Variants in PACSIN3 observed in about 807,000 individuals in gnomAD.
The protein encoded by PACSIN3 is protein kinase C and casein kinase substrate in neurons protein 3.
Under a neutral mutation model 56.1 loss-of-function variants are expected in PACSIN3, and 34 were observed. The ratio of observed to expected loss-of-function variants is 0.61; its 90% CI spans 0.46 to 0.81. The LOEUF (loss-of-function observed/expected upper bound fraction) is 0.81. Among genes scored for constraint, PACSIN3 ranks in the 30% least tolerant of loss-of-function variants. The probability of loss-of-function intolerance (pLI) is 0.00; values close to 1 mark genes in which losing one functional copy is unlikely to be tolerated. For missense variants in PACSIN3, 535 were observed against 592.4 expected (o/e 0.90, Z 1.01); for synonymous variants, 218 against 229.8 (o/e 0.95, Z 0.46).
Position 47,178,510 on chromosome 11 carries a change from G to A in PACSIN3, c.1038-23C>T, listed in dbSNP as rs1435342592. The A allele has an allele frequency of 1.2e-6, 2 of 1,611,800 alleles. No homozygotes were observed. The highest frequency in any genetic ancestry group is 2.2e-5 in the East Asian group (1 of 44,848). ...GTGCTGGAGAGGGGAGGCAAAGGGAGCAGCTCAGAGTGCAAGGAACACGGG... is the reference window on the plus strand; with the variant it reads ...GTGCTGGAGAGGGGAGGCAAAGGGAACAGCTCAGAGTGCAAGGAACACGGG... On this transcript the variant is annotated intron_variant, in intron 9 of 10. Transcript: ENST00000298838. This position sits in a 1 kb window ranked among gnomAD's most constrained non-coding sequence, Gnocchi z 4.2.
At position 47,182,981 on chromosome 11, in the gene PACSIN3, T is replaced by TC. The variant is rs368408231; in HGVS notation, c.-38+22dup. On this transcript the variant is annotated intron_variant, in intron 2 of 10. Coordinates refer to ENST00000298838, the MANE Select transcript of PACSIN3 (RefSeq NM_016223.5). ...GCTCTTCCTCTCACTGCTCTGCACT[T>TC]CCCCCCCCGCCCCCCCACATACCTG... 4.0e-3 allele frequency: 1,640 copies of TC among 408,854 alleles called. 19 individuals are homozygous for TC. The highest frequency in any genetic ancestry group is 0.027 in the African/African-American group (1,272 of 47,172). 25.3% of individuals were successfully genotyped at this position (408,854 alleles called of 1,614,324 possible). A position where few individuals can be genotyped will look rare whatever the true frequency, so the allele number is the denominator to read the frequency against.
Position 47,179,332 on chromosome 11 carries a change from C to G in PACSIN3, c.780-53G>C. On this transcript the variant is annotated intron_variant, in intron 7 of 10. Transcript: ENST00000298838. This position sits in a 1 kb window ranked among gnomAD's most constrained non-coding sequence, Gnocchi z 4.4. ...TAGGAAGTCTAGACCCTGCATCCCT[C>G]AGTCCCAGCCAGGGCCTCGGGGAGA... The G allele has an allele frequency of 6.2e-7, 1 of 1,613,508 alleles. No homozygotes were observed. The highest frequency in any genetic ancestry group is 1.6e-4 in the Middle Eastern group (1 of 6,062).
Position 47,178,589 on chromosome 11 carries a change from C to T in PACSIN3, c.1038-102G>A. The stretch of plus-strand genomic sequence containing the variant: ...AAGGCCTCCCTACCCCCAGAGGCAC[C>T]TGGGAGAGTCAGGTGAGGTACTAAA... On this transcript the variant is annotated intron_variant, in intron 9 of 10. Coordinates refer to ENST00000298838, the MANE Select transcript of PACSIN3 (RefSeq NM_016223.5). The surrounding 1 kb of genome is among the most constrained non-coding windows in gnomAD (Gnocchi z 4.2). 6.9e-7 allele frequency: 1 copy of T among 1,441,738 alleles called. No homozygotes were observed. 89.3% of individuals were successfully genotyped at this position (1,441,738 alleles called of 1,614,324 possible). A position where few individuals can be genotyped will look rare whatever the true frequency, so the allele number is the denominator to read the frequency against.
chr11:47,183,430 G>C (rs901747), intron 1 of PACSIN3: 110,815 of 152,284 alleles, frequency 0.73, 40,795 homozygotes, highest in Middle Eastern at 0.77. Flanking sequence ...TGGCTTCTGT[G>C]TTGGCCAGGA....
intron 5 of PACSIN3, 22 bp downstream of exon 5, chr11:47,180,433 T>C (rs760949122): frequency 1.3e-6 from 2 of 1,591,928 alleles, no homozygotes; most frequent in South Asian, 1.1e-5. Context: ...CTGTCTCGGA[T>C]ACCTCCCCCA....
At position 47,181,852 on chromosome 11, in the gene PACSIN3, T is replaced by TA. The variant is rs568148080; in HGVS notation, c.211+550dup. 3.4e-3 allele frequency among the ~76,000 whole-genome samples: 510 copies of TA among 149,688 alleles called. 1 individual carries two copies. The highest frequency in any genetic ancestry group is 0.012 in the African/African-American group (493 of 40,546). Reference sequence around the variant, plus strand: ...GAGACCCTGTCTCAAAATAAATAAATAATAAACAAAGGAAAGAAGGCCAGA... The same window carrying TA: ...GAGACCCTGTCTCAAAATAAATAAATAAATAAACAAAGGAAAGAAGGCCAGA... On this transcript the variant is annotated intron_variant, in intron 4 of 10. Transcript: ENST00000298838.
intron 1 of PACSIN3, among the ~76,000 whole-genome samples, chr11:47,183,764 G>A (rs937446284): frequency 4.6e-5 from 7 of 152,230 alleles, no homozygotes; most frequent in African/African-American, 1.7e-4. Context: ...GCTCACGCCT[G>A]TAATCTCAGC....
In PACSIN3 at chr11:47,177,633, G is replaced by GA; in HGVS notation, c.*297dup. ...TACACTCACCCCAAGCCCACCCCAG[G>GA]AACCCCAAAGCAGAGGTCAGGAACT... On this transcript the variant is annotated 3_prime_UTR_variant, in exon 11 of 11. Transcript: ENST00000298838. 1 of 440,268 alleles carries GA rather than the reference G, an allele frequency of 2.3e-6. No homozygotes were observed. The highest frequency in any genetic ancestry group is 4.1e-5 in the Admixed American group (1 of 24,286). The allele number at this position is 440,268 out of a possible 1,614,324, so 27.3% of individuals were successfully genotyped here.
In PACSIN3 at chr11:47,178,362, G is replaced by A. The variant is rs1349744435; in HGVS notation, c.1159+4C>T. ...CTGAAGCTAGGAAAGGGGTCCCAGGGTACCTGCTCGGAAGCTCAGCTCATC... is the reference window on the plus strand; with the variant it reads ...CTGAAGCTAGGAAAGGGGTCCCAGGATACCTGCTCGGAAGCTCAGCTCATC... On this transcript the variant is annotated splice_donor_region_variant and intron_variant, in intron 10 of 10. Coordinates refer to ENST00000298838, the MANE Select transcript of PACSIN3 (RefSeq NM_016223.5). This position sits in a 1 kb window ranked among gnomAD's most constrained non-coding sequence, Gnocchi z 4.2. The A allele has an allele frequency of 5.0e-6, 8 of 1,613,804 alleles. No homozygotes were observed. Among genetic ancestry groups the A allele is most frequent in the Non-Finnish European group, 6.8e-6 (8 of 1,179,892 alleles).
At position 47,180,244 on chromosome 11, in the gene PACSIN3, T is replaced by C. The variant is rs1326380615; in HGVS notation, c.545A>G (p.Gln182Arg). 4 of 1,603,894 alleles carry C rather than the reference T, an allele frequency of 2.5e-6. No homozygotes were observed. Among genetic ancestry groups the C allele is most frequent in the African/African-American group, 2.7e-5 (2 of 75,056 alleles). Residue 182 changes from glutamine (Q) to arginine (R), a missense_variant, in exon 6 of 11, where the codon CAG becomes CGG. Coordinates refer to ENST00000298838, the MANE Select transcript of PACSIN3 (RefSeq NM_016223.5). ...SHAKADSAVS[Q>R]EQLRKLQERV... ...TTCCTGCAGTTTGCGCAGCTGCTCC[T>C]GGGAGACGGCGCTGTCTGCCTTTGC...
Position 47,178,484 on chromosome 11 carries a change from C to T in PACSIN3, c.1041G>A (p.Thr347=), listed in dbSNP as rs370240470. The T allele has an allele frequency of 4.3e-6, 7 of 1,613,378 alleles. No individual in the cohort carries two copies. The highest frequency in any genetic ancestry group is 5.9e-6 in the Non-Finnish European group (7 of 1,179,870). ...PPPQSPGSPG[T]GQDEEWSDEE... ...CATCTGACCACTCCTCATCCTGCCC[C>T]GTGCTGGAGAGGGGAGGCAAAGGGA... Residue 347 remains threonine (T), a synonymous_variant, in exon 10 of 11, where the codon ACG becomes ACA. Transcript: ENST00000298838. This position sits in a 1 kb window ranked among gnomAD's most constrained non-coding sequence, Gnocchi z 4.2.
chr11:47,181,130 C>G (rs1351119069), intron 4 of PACSIN3, among the ~76,000 whole-genome samples: 1 of 151,996 alleles, frequency 6.6e-6, no homozygotes, highest in African/African-American at 2.4e-5. Context: ...GGCATGGTGG[C>G]GGGCGCCTGT....
In PACSIN3 at chr11:47,178,060, G is replaced by A; in HGVS notation, c.1160-14C>T. 1 of 1,605,802 alleles carries A rather than the reference G, an allele frequency of 6.2e-7. No homozygotes were observed. The highest frequency in any genetic ancestry group is 8.5e-7 in the Non-Finnish European group (1 of 1,173,436). On this transcript the variant is annotated splice_polypyrimidine_tract_variant and intron_variant, in intron 10 of 10. Transcript: ENST00000298838. This position sits in a 1 kb window ranked among gnomAD's most constrained non-coding sequence, Gnocchi z 4.2. ...GCAGCTCCTCCCCTGGGGGAAAGGG[G>A]ATTGGTCACTGCCAGTGGCCCTGGC...
At position 47,179,673 on chromosome 11, in the gene PACSIN3, G is replaced by A; in HGVS notation, c.604-87C>T. The A allele has an allele frequency of 7.3e-7, 1 of 1,360,624 alleles. No individual in the cohort carries two copies. The allele number at this position is 1,360,624 out of a possible 1,614,324, so 84.3% of individuals were successfully genotyped here. ...TGTTTACCAGACACTGCCATAGGCTGCTAGACCCAGGGCTAGCCACTAGGG... is the reference window on the plus strand; with the variant it reads ...TGTTTACCAGACACTGCCATAGGCTACTAGACCCAGGGCTAGCCACTAGGG... On this transcript the variant is annotated intron_variant, in intron 6 of 10. Transcript: ENST00000298838. This position sits in a 1 kb window ranked among gnomAD's most constrained non-coding sequence, Gnocchi z 4.4.
Position 47,178,851 on chromosome 11 carries a change from G to C in PACSIN3, c.1037+43C>G, listed in dbSNP as rs79044335. ...AAGGAGAAAGGAAAGGAGGGCGGGAGGCAGAGCTGTTTCTTTGCCACAGCC... is the reference window on the plus strand; with the variant it reads ...AAGGAGAAAGGAAAGGAGGGCGGGACGCAGAGCTGTTTCTTTGCCACAGCC... On this transcript the variant is annotated intron_variant, in intron 9 of 10. Transcript: ENST00000298838. The surrounding 1 kb of genome is among the most constrained non-coding windows in gnomAD (Gnocchi z 4.2). The C allele has an allele frequency of 0.083, 133,963 of 1,608,268 alleles. 5,830 individuals are homozygous for C. The highest frequency in any genetic ancestry group is 0.09 in the Non-Finnish European group (105,968 of 1,176,758).
At chr11:47,185,031 T>A (rs1213519150) in intron 1 of PACSIN3, among the ~76,000 whole-genome samples, 4 of 152,186 alleles carry the variant, frequency 2.6e-5, no homozygotes, top group African/African-American at 9.7e-5. Context: ...CAAGGAGGGC[T>A]TGCACCTTGG....
chr11:47,186,086 C>T lies in PACSIN3; in HGVS notation c.-104+263G>A, dbSNP rs1953115487. 6.6e-6 allele frequency among the ~76,000 whole-genome samples: 1 copy of T among 151,996 alleles called. No individual in the cohort carries two copies. Among genetic ancestry groups the T allele is most frequent in the African/African-American group, 2.4e-5 (1 of 41,404 alleles). On this transcript the variant is annotated intron_variant, in intron 1 of 10. Coordinates refer to ENST00000298838, the MANE Select transcript of PACSIN3 (RefSeq NM_016223.5). This position sits in a 1 kb window ranked among gnomAD's most constrained non-coding sequence, Gnocchi z 4.5. ...CGAGCGGACGGGGGCCCTCGAGGGG[C>T]CCCTGAAGACGGCTCAGCCCTCCAG...
At position 47,179,543 on chromosome 11, in the gene PACSIN3, T is replaced by A; in HGVS notation, c.647A>T (p.Tyr216Phe). 6.2e-7 allele frequency: 1 copy of A among 1,613,814 alleles called. No homozygotes were observed. Among genetic ancestry groups the A allele is most frequent in the African/African-American group, 1.3e-5 (1 of 75,024 alleles). The change falls in exon 7 of 11, where the codon TAC (tyrosine) becomes TTC (phenylalanine). Residue 216 changes from tyrosine (Y) to phenylalanine (F), a missense_variant. Coordinates refer to ENST00000298838, the MANE Select transcript of PACSIN3 (RefSeq NM_016223.5). This position sits in a 1 kb window ranked among gnomAD's most constrained non-coding sequence, Gnocchi z 4.4. ...YEQTLAELHR[Y>F]TPRYMEDMEQ... ...CATGTCCTCCATGTAGCGTGGAGTG[T>A]AGCGATGCAGCTCTGCCAGCGTCTG...
At position 47,179,153 on chromosome 11, in the gene PACSIN3, A is replaced by C. The variant is rs1416528579; in HGVS notation, c.900+6T>G. On this transcript the variant is annotated splice_donor_region_variant and intron_variant, in intron 8 of 10. Transcript: ENST00000298838. The surrounding 1 kb of genome is among the most constrained non-coding windows in gnomAD (Gnocchi z 4.4). ...CTCCCATCCCCACCCCGCCTGGAAC[A>C]CATGCCTCGAACTGTGGCCAGTTCA... 1 of 1,613,560 alleles carries C rather than the reference A, an allele frequency of 6.2e-7. No homozygotes were observed.
Sources: allele counts gnomAD v4.1 joint callset (sites outside exome capture counted in the v4.1 genomes callset), GRCh38; gene constraint gnomAD v4.1.1; non-coding constraint Gnocchi (gnomAD v3.1); transcripts MANE v1.5; gene names NCBI Gene and HGNC (gene_info 2026-07-23, HGNC 2026-07-21).